LCMT1: variants seen among roughly 807,000 people sequenced by gnomAD.
LCMT1 encodes the protein leucine carboxyl methyltransferase 1.
A neutral mutation model predicts 47.7 loss-of-function variants in LCMT1; 32 were observed. That is an observed-to-expected ratio of 0.67 (90% CI 0.51 to 0.90). The LOEUF (loss-of-function observed/expected upper bound fraction) is 0.90. LCMT1 is among the 40% of genes least tolerant of loss of function. The pLI is 0.00. For missense variants in LCMT1, 375 were observed against 415.2 expected, an observed-to-expected ratio of 0.90 and a Z score of 0.84; for synonymous variants, 152 against 149.7, an observed-to-expected ratio of 1.02 and a Z score of -0.11.
chr16:25,170,784 T>C lies in LCMT1; in HGVS notation c.863T>C (p.Leu288Ser). 1 of 1,612,440 alleles carries C rather than the reference T, an allele frequency of 6.2e-7. No individual in the cohort carries two copies. Among genetic ancestry groups the C allele is most frequent in the South Asian group, 1.1e-5 (1 of 90,878 alleles). ...AVDMMELYNR[L>S]PRAEVSRIES... ...GACATGATGGAGTTGTACAACAGGT[T>C]ACCTCGAGCTGAAGTGAGCAGGTAT... The change falls in exon 9 of 11, where the codon TTA becomes TCA. Residue 288 changes from leucine (L) to serine (S), a missense_variant. By Grantham distance (145) the Leu-to-Ser change is moderately radical. Transcript: ENST00000399069.
intron 4 of LCMT1, among the ~76,000 whole-genome samples, chr16:25,149,443 A>G (rs1208160861): frequency 6.6e-6 from 1 of 152,196 alleles, no homozygotes; most frequent in East Asian, 1.9e-4. Context: ...GGATTCTTTA[A>G]GTAGAAGGTC....
chr16:25,135,174 T>C (rs2141655733), intron 3 of LCMT1, among the ~76,000 whole-genome samples: 1 of 152,158 alleles, frequency 6.6e-6, no homozygotes, highest in Admixed American at 6.5e-5. Flanking sequence ...CAGTCAGTAG[T>C]GAGGAAGGAA....
intron 2 of LCMT1, among the ~76,000 whole-genome samples, chr16:25,129,625 A>T (rs1960292169): frequency 6.6e-6 from 1 of 152,212 alleles, no homozygotes; most frequent in Admixed American, 6.5e-5. Context: ...ATATGGAGAA[A>T]CTGCTTTATA....
At chr16:25,146,438 C>CCCTCCCTTCCAGTGACA (rs1960859379) in intron 4 of LCMT1, 1 of 151,988 alleles carries the variant, frequency 6.6e-6, no homozygotes, top group Non-Finnish European at 1.5e-5. Flanking sequence ...TTCCAGTGAC[C>CCCTCCCTTCCAGTGACA]CCCTCCATCC....
At chr16:25,170,022 C>G (rs1228083126) in intron 8 of LCMT1, among the ~76,000 whole-genome samples, 3 of 152,050 alleles carry the variant, frequency 2.0e-5, no homozygotes, top group Middle Eastern at 3.2e-3. Context: ...GAGTTCGACA[C>G]TAGCCTGGCC....
intron 4 of LCMT1, among the ~76,000 whole-genome samples, chr16:25,149,910 CAAAAAAAAAAAAA>C (rs34229848): frequency 1.7e-5 from 1 of 60,200 alleles, no homozygotes; most frequent in Admixed American, 1.9e-4. Flanking sequence ...AAGACTGTCT[CAAAAAAAAAAAAA>C]AAAAAAAAAA....
chr16:25,164,780 C>T, intron 7 of LCMT1, 62 bp downstream of exon 7: 2 of 1,607,974 alleles, frequency 1.2e-6, no homozygotes, highest in South Asian at 1.1e-5. Context: ...TTCCCTCTCC[C>T]AGCACCCTTA....
intron 7 of LCMT1, among the ~76,000 whole-genome samples, chr16:25,167,753 CTTATTTAT>C (rs905085151): frequency 1.1e-4 from 16 of 151,946 alleles, no homozygotes; most frequent in Non-Finnish European, 2.1e-4. Flanking sequence ...CATATATTAA[CTTATTTAT>C]TTATTTATTT....
In LCMT1 at chr16:25,111,965, G is replaced by A. The variant is rs373363976; in HGVS notation, c.82G>A (p.Gly28Ser). Reference sequence around the variant, plus strand: ...CGACGCAGACGACGAGGGCGTGCGCGGCACCTGCGAAGATGCTTCCCTGTG... The same window carrying A: ...CGACGCAGACGACGAGGGCGTGCGCAGCACCTGCGAAGATGCTTCCCTGTG... The part of the protein sequence containing the change: ...SCDADDEGVR[G>S]TCEDASLCKR... Residue 28 changes from glycine (G) to serine (S), a missense_variant, in exon 1 of 11, where the codon GGC becomes AGC. Coordinates refer to ENST00000399069, the MANE Select transcript of LCMT1 (RefSeq NM_016309.3). 2 of 1,613,518 alleles carry A rather than the reference G, an allele frequency of 1.2e-6. No homozygotes were observed. The highest frequency in any genetic ancestry group is 1.7e-6 in the Non-Finnish European group (2 of 1,179,690).
intron 1 of LCMT1, among the ~76,000 whole-genome samples, chr16:25,113,186 G>A (rs1597551620): frequency 6.8e-6 from 1 of 147,500 alleles, no homozygotes; most frequent in African/African-American, 2.5e-5. Context: ...TTGAAAAATA[G>A]GAAAGTTGTA....
intron 1 of LCMT1, among the ~76,000 whole-genome samples, chr16:25,124,312 A>G (rs1156628405): frequency 1.3e-5 from 2 of 152,330 alleles, no homozygotes; most frequent in East Asian, 1.9e-4. Context: ...ACACACACAC[A>G]TCATTTAAGC....
intron 6 of LCMT1, among the ~76,000 whole-genome samples, chr16:25,163,527 CATTT>C (rs1055233012): frequency 1.5e-4 from 23 of 150,668 alleles, no homozygotes; most frequent in East Asian, 3.9e-4. Context: ...TACAATCATT[CATTT>C]GTCTATTCAC....
intron 3 of LCMT1, among the ~76,000 whole-genome samples, chr16:25,132,758 A>G (rs1960390223): frequency 6.6e-6 from 1 of 152,136 alleles, no homozygotes; most frequent in Non-Finnish European, 1.5e-5. Flanking sequence ...AGCTATAATA[A>G]AAATCCTTAT....
chr16:25,142,381 A>G (rs975216405), intron 4 of LCMT1: 1 of 152,192 alleles, frequency 6.6e-6, no homozygotes, highest in Non-Finnish European at 1.5e-5. Context: ...CAGCCCAATG[A>G]GGTTTATACA....
At chr16:25,113,174 G>C (rs376906900) in intron 1 of LCMT1, among the ~76,000 whole-genome samples, 1 of 150,382 alleles carries the variant, frequency 6.6e-6, no homozygotes, top group African/African-American at 2.4e-5. Context: ...AGAAGAAAAG[G>C]CTTGAAAAAT....
chr16:25,156,633 G>A (rs1437553184), intron 5 of LCMT1, among the ~76,000 whole-genome samples: 2 of 152,186 alleles, frequency 1.3e-5, no homozygotes, highest in East Asian at 1.9e-4. Flanking sequence ...GGCAGGAGGT[G>A]CGTGCTTCAA....
chr16:25,173,335 A>G (rs1947278913), intron 9 of LCMT1, among the ~76,000 whole-genome samples: 1 of 152,224 alleles, frequency 6.6e-6, no homozygotes, highest in African/African-American at 2.4e-5. Context: ...AGCCTTCAGT[A>G]TGGTACTGGA....
intron 10 of LCMT1, among the ~76,000 whole-genome samples, chr16:25,176,952 G>C (rs1266529048): frequency 6.6e-6 from 1 of 151,708 alleles, no homozygotes; most frequent in African/African-American, 2.4e-5. Context: ...GGCTAAGGCA[G>C]GCAGATCACC....
intron 4 of LCMT1, chr16:25,146,886 T>A (rs1375219156): frequency 2.0e-5 from 3 of 152,208 alleles, no homozygotes. Flanking sequence ...TACATTTCCT[T>A]CTTCCTTCAG....
Sources: allele counts gnomAD v4.1 joint callset (sites outside exome capture counted in the v4.1 genomes callset), GRCh38; gene constraint gnomAD v4.1.1; transcripts MANE v1.5; gene names NCBI Gene and HGNC (gene_info 2026-07-23, HGNC 2026-07-21).